The following SPRR2B variants were observed in gnomAD, a reference collection of about 807,000 sequenced individuals.
SPRR2B encodes the protein small proline-rich protein 2B.
Under a neutral mutation model 1.0 loss-of-function variants are expected in SPRR2B, and 1 was observed. That is an observed-to-expected ratio of 1.01 (90% CI 0.36 to 4.77). SPRR2B has a LOEUF of 4.77. Among genes scored for constraint, SPRR2B ranks in the 30% most tolerant of loss-of-function variants. The pLI is 0.16. For synonymous variants in SPRR2B, 27 were observed against 33.4 expected, an observed-to-expected ratio of 0.81 and a Z score of 0.66; for missense variants, 53 against 88.7, an observed-to-expected ratio of 0.60 and a Z score of 1.62.
intron 1 of SPRR2B, among the ~76,000 whole-genome samples, chr1:153,071,105 C>T (rs1654656435): frequency 7.9e-6 from 1 of 125,946 alleles, no homozygotes; most frequent in African/African-American, 2.7e-5. Context: ...AAAAATCCAG[C>T]ATGTTAATCC....
At chr1:153,075,381 A>G (rs1323429879), upstream of SPRR2B, among the ~76,000 whole-genome samples, 1 of 152,084 alleles carries the variant, frequency 6.6e-6, no homozygotes, top group Non-Finnish European at 1.5e-5. Flanking sequence ...ATAAAAATAA[A>G]AAAAAACAGT....
the SPRR2B span, among the ~76,000 whole-genome samples, chr1:153,078,347 C>A: frequency 2.0e-5 from 3 of 149,790 alleles, no homozygotes; most frequent in Non-Finnish European, 3.0e-5. Context: ...ATATATATTT[C>A]TTTTAAGGAG....
the SPRR2B span, among the ~76,000 whole-genome samples, chr1:153,079,796 C>T: frequency 6.6e-6 from 1 of 151,978 alleles, no homozygotes; most frequent in Non-Finnish European, 1.5e-5. Context: ...AGTCAGGTAG[C>T]ATGATGCCTC....
chr1:153,082,298 C>A, the SPRR2B span, among the ~76,000 whole-genome samples: 1 of 152,108 alleles, frequency 6.6e-6, no homozygotes, highest in African/African-American at 2.4e-5. Flanking sequence ...TCAGTAATTA[C>A]TTTAAATGCA....
chr1:153,074,231 G>C (rs890752706), upstream of SPRR2B, among the ~76,000 whole-genome samples: 1 of 151,514 alleles, frequency 6.6e-6, no homozygotes, highest in Non-Finnish European at 1.5e-5. Flanking sequence ...ACAATTTCAC[G>C]GAGATCCATT....
upstream of SPRR2B, among the ~76,000 whole-genome samples, chr1:153,073,064 G>A (rs1051848563): frequency 5.9e-5 from 9 of 152,204 alleles, no homozygotes; most frequent in South Asian, 6.2e-4. Context: ...TAGAGCAAGA[G>A]CGCTGAATCA....
chr1:153,075,354 T>C (rs1238314985), upstream of SPRR2B, among the ~76,000 whole-genome samples: 4 of 150,888 alleles, frequency 2.7e-5, no homozygotes, highest in Admixed American at 1.3e-4. Flanking sequence ...AAAAAATAAA[T>C]AAATAAATTT....
upstream of SPRR2B, among the ~76,000 whole-genome samples, chr1:153,073,782 T>A (rs1654720856): frequency 6.6e-6 from 1 of 151,938 alleles, no homozygotes; most frequent in South Asian, 2.1e-4. Flanking sequence ...GAGGTTAGCT[T>A]TATCTTCTTT....
the SPRR2B span, among the ~76,000 whole-genome samples, chr1:153,079,285 A>G: frequency 6.6e-6 from 1 of 151,946 alleles, no homozygotes; most frequent in African/African-American, 2.4e-5. Flanking sequence ...AGATGAGTAG[A>G]TTGCAAAAAT....
upstream of SPRR2B, among the ~76,000 whole-genome samples, chr1:153,074,319 A>T (rs1298597756): frequency 2.0e-5 from 3 of 152,236 alleles, no homozygotes; most frequent in African/African-American, 7.2e-5. Flanking sequence ...CATTCCACTA[A>T]ACAAAATAGT....
At chr1:153,082,353 C>CA in the SPRR2B span, among the ~76,000 whole-genome samples, 1 of 151,926 alleles carries the variant, frequency 6.6e-6, no homozygotes, top group Non-Finnish European at 1.5e-5. Flanking sequence ...AAGAAAGAAT[C>CA]AAAAAAATTT....
At chr1:153,081,145 C>A in the SPRR2B span, among the ~76,000 whole-genome samples, 1 of 152,144 alleles carries the variant, frequency 6.6e-6, no homozygotes, top group African/African-American at 2.4e-5. Flanking sequence ...CGTGACACAC[C>A]TTATAATCAA....
chr1:153,071,985 C>T (rs1654676339), upstream of SPRR2B, among the ~76,000 whole-genome samples: 1 of 152,190 alleles, frequency 6.6e-6, no homozygotes, highest in Admixed American at 6.5e-5. Flanking sequence ...TTTCCTCGTA[C>T]AATTTGCCAG....
chr1:153,078,409 A>T, the SPRR2B span, among the ~76,000 whole-genome samples: 9 of 152,300 alleles, frequency 5.9e-5, no homozygotes, highest in East Asian at 7.7e-4. Flanking sequence ...CATGTGCACA[A>T]CGTGCAGGTT....
the SPRR2B span, among the ~76,000 whole-genome samples, chr1:153,087,172 C>T: frequency 2.0e-5 from 3 of 151,802 alleles, no homozygotes; most frequent in Non-Finnish European, 4.4e-5. Flanking sequence ...CACAGCTACT[C>T]GAGAGGCTAA....
chr1:153,079,522 A>T, the SPRR2B span, among the ~76,000 whole-genome samples: 274 of 152,266 alleles, frequency 1.8e-3, 1 homozygote, highest in Non-Finnish European at 9.1e-4. Context: ...TCTTTAATCC[A>T]TCTTGAATTA....
the SPRR2B span, among the ~76,000 whole-genome samples, chr1:153,078,287 A>AGTT: frequency 1.3e-5 from 2 of 152,258 alleles, no homozygotes; most frequent in Admixed American, 1.3e-4. Context: ...AACATCAGAC[A>AGTT]TAATTAACTT....
the SPRR2B span, among the ~76,000 whole-genome samples, chr1:153,082,420 G>A: frequency 8.5e-5 from 13 of 152,168 alleles, no homozygotes; most frequent in Non-Finnish European, 1.9e-4. Context: ...TTTCTCAAGA[G>A]AACATGGAAG....
At chr1:153,072,993 G>GA (rs968874208), upstream of SPRR2B, among the ~76,000 whole-genome samples, 4 of 152,064 alleles carry the variant, frequency 2.6e-5, no homozygotes, top group Non-Finnish European at 5.9e-5. Context: ...AGGAAGATAA[G>GA]AAAAAAAGAG....
Sources: gnomAD v4.1 joint callset for allele counts (sites outside exome capture counted in the v4.1 genomes callset) on GRCh38, gnomAD v4.1.1 for gene constraint, MANE v1.5 for transcripts, NCBI Gene and HGNC (gene_info 2026-07-23, HGNC 2026-07-21) for gene names.